SLIT1: variants seen among roughly 807,000 people sequenced by gnomAD.
SLIT1 encodes slit homolog 1 protein.
In SLIT1, 66 loss-of-function variants were observed where a neutral mutation model predicts 186.1. That is an observed-to-expected ratio of 0.35 (90% confidence interval 0.29 to 0.44). SLIT1 has a LOEUF of 0.44. SLIT1 is among the 20% of genes least tolerant of loss of function. SLIT1 has a pLI of 1.00. For missense variants in SLIT1, 1,638 were observed against 2,037.4 expected, an observed-to-expected ratio of 0.80 and a Z score of 3.77; for synonymous variants, 761 against 833.8, an observed-to-expected ratio of 0.91 and a Z score of 1.50.
intron 1 of SLIT1, among the ~76,000 whole-genome samples, chr10:97,182,304 C>T (rs1386634094): frequency 6.6e-6 from 1 of 152,190 alleles, no homozygotes; most frequent in Non-Finnish European, 1.5e-5. Context: ...TGCTGGGCCT[C>T]GCAGGCTGCC....
chr10:97,004,040 A>G lies in SLIT1; in HGVS notation c.3865+28T>C. 1 of 1,583,222 alleles carries G rather than the reference A, an allele frequency of 6.3e-7. No individual in the cohort carries two copies. Among genetic ancestry groups the G allele is most frequent in the Non-Finnish European group, 8.6e-7 (1 of 1,157,336 alleles). On this transcript the variant is annotated intron_variant, in intron 34 of 36. Coordinates refer to ENST00000266058, the MANE Select transcript of SLIT1 (RefSeq NM_003061.3). This position sits in a 1 kb window ranked among gnomAD's most constrained non-coding sequence, Gnocchi z 5.1. ...GGCTGGCCTCAGGCCAGACAGCAAA[A>G]GAGGCCCCGCCAGGGCCAGGTCCTC... is the stretch of plus-strand genomic sequence containing the variant.
Position 97,021,175 on chromosome 10 carries a change from A to G in SLIT1, c.2746+75T>C, listed in dbSNP as rs2134600794. Reference sequence around the variant, plus strand: ...CAGCGGTCACCACAGGGACGCAGGCATGTTAGGAAGGCCCTGCAGTGTTGG... The same window carrying G: ...CAGCGGTCACCACAGGGACGCAGGCGTGTTAGGAAGGCCCTGCAGTGTTGG... On this transcript the variant is annotated intron_variant, in intron 26 of 36. Transcript: ENST00000266058. The surrounding 1 kb of genome is among the most constrained non-coding windows in gnomAD (Gnocchi z 4.5). The G allele has an allele frequency of 2.1e-6, 3 of 1,448,666 alleles. No individual in the cohort carries two copies. The highest frequency in any genetic ancestry group is 2.6e-5 in the South Asian group (2 of 76,088). The allele number at this position is 1,448,666 out of a possible 1,614,324, so 89.7% of individuals were successfully genotyped here.
Position 97,141,760 on chromosome 10 carries a change from T to C in SLIT1, c.413+16058A>G, listed in dbSNP as rs1300494991. 2.5e-4 allele frequency among the ~76,000 whole-genome samples: 37 copies of C among 149,584 alleles called. 1 individual carries two copies. Among genetic ancestry groups the C allele is most frequent in the Middle Eastern group, 3.4e-3 (1 of 292 alleles). ...TTGTATCGTATCGTATCGTATCGTA[T>C]CGTATTGTATCGTACTGTATTGTAT... is the stretch of plus-strand genomic sequence containing the variant. On this transcript the variant is annotated intron_variant, in intron 4 of 36. Transcript: ENST00000266058.
rs767470160 is a variant in SLIT1, at chr10:97,047,725, C to A, written c.1599G>T (p.Lys533Asn). Reference protein sequence around the residue: ...VVECSSLKLTKIPERIPQSTA... With the variant: ...VVECSSLKLTNIPERIPQSTA... Reference sequence around the variant, plus strand: ...TGGACTGGGGGATGCGCTCAGGGATCTTGGTGAGCTTCAGGCTGGAGCACT... The same window carrying A: ...TGGACTGGGGGATGCGCTCAGGGATATTGGTGAGCTTCAGGCTGGAGCACT... The change falls in exon 16 of 37, where the codon AAG becomes AAT. Residue 533 changes from lysine to asparagine, a missense_variant. This residue lies in a region of SLIT1 where 1,245 missense variants were observed against 1,535.3 expected (regional missense o/e 0.81). Coordinates refer to ENST00000266058, the MANE Select transcript of SLIT1 (RefSeq NM_003061.3). 2.5e-6 allele frequency: 4 copies of A among 1,614,038 alleles called. No homozygotes were observed. The highest frequency in any genetic ancestry group is 1.1e-5 in the South Asian group (1 of 91,086).
intron 1 of SLIT1, 120 bp from the exon 2 acceptor site, chr10:97,165,010 G>A (rs1850085159): frequency 2.7e-6 from 2 of 743,560 alleles, no homozygotes; most frequent in Non-Finnish European, 4.8e-6. Flanking sequence ...GCGGGGCTGG[G>A]GGCTTCTGTG....
chr10:97,182,048 GCC>G (rs1564697160), intron 1 of SLIT1, among the ~76,000 whole-genome samples: 1 of 152,218 alleles, frequency 6.6e-6, no homozygotes, highest in Non-Finnish European at 1.5e-5. Flanking sequence ...AGCTTCCCGG[GCC>G]GCCTCCGCCA....
intron 4 of SLIT1, among the ~76,000 whole-genome samples, chr10:97,082,649 T>C (rs1031861975): frequency 6.6e-6 from 1 of 152,132 alleles, no homozygotes; most frequent in Non-Finnish European, 1.5e-5. Context: ...TTAGCCAGGA[T>C]GGCCTCGATC....
At chr10:97,047,638 G>T (rs1234018716) in intron 16 of SLIT1, 52 bp downstream of exon 16, 4 of 1,562,066 alleles carry the variant, frequency 2.6e-6, no homozygotes, top group Non-Finnish European at 3.5e-6. Flanking sequence ...GGCCAAGGAG[G>T]GTTAGTGGCA....
chr10:97,161,416 G>A (rs1850024302), intron 3 of SLIT1, among the ~76,000 whole-genome samples: 1 of 152,206 alleles, frequency 6.6e-6, no homozygotes, highest in Admixed American at 6.5e-5. Flanking sequence ...CTTTCTTCCA[G>A]GCTGTAGGAG....
At chr10:97,084,060 T>C (rs1470809764) in intron 4 of SLIT1, among the ~76,000 whole-genome samples, 2 of 152,052 alleles carry the variant, frequency 1.3e-5, no homozygotes, top group East Asian at 1.9e-4. Context: ...AACCTGAACA[T>C]AGAGGGCAAC....
chr10:97,046,845 G>A (rs762184276), intron 17 of SLIT1, 48 bp from the exon 18 acceptor site: 1 of 1,600,356 alleles, frequency 6.2e-7, no homozygotes, highest in South Asian at 1.1e-5. Flanking sequence ...GCAGCCAGGA[G>A]CTCAGGCCCC....
intron 13 of SLIT1, among the ~76,000 whole-genome samples, chr10:97,056,026 T>C (rs981169071): frequency 1.3e-5 from 2 of 152,194 alleles, no homozygotes; most frequent in Non-Finnish European, 2.9e-5. Context: ...TGAGCTAAGC[T>C]TCATACAAAC....
chr10:97,002,293 G>A lies in SLIT1; in HGVS notation c.4231C>T (p.Leu1411=). Residue 1411 remains leucine, a synonymous_variant, in exon 36 of 37, where the codon CTG becomes TTG. Coordinates refer to ENST00000266058, the MANE Select transcript of SLIT1 (RefSeq NM_003061.3). The part of the protein sequence containing the change: ...CQCQDGYSGA[L]CNQAGALAEP... ...GCCAGGGCCCCGGCCTGGTTGCACA[G>A]TGCCCCCGAGTACCCATCCTGGCAC... 6.2e-7 allele frequency: 1 copy of A among 1,610,802 alleles called. No individual in the cohort carries two copies.
chr10:97,129,177 G>T (rs1442926289), intron 4 of SLIT1, among the ~76,000 whole-genome samples: 1 of 152,050 alleles, frequency 6.6e-6, no homozygotes, highest in Non-Finnish European at 1.5e-5. Flanking sequence ...CTAGGTGGGC[G>T]GATCACGTGA....
At position 97,021,184 on chromosome 10, in the gene SLIT1, A is replaced by T; in HGVS notation, c.2746+66T>A. 1 of 1,491,816 alleles carries T rather than the reference A, an allele frequency of 6.7e-7. No individual in the cohort carries two copies. The allele number at this position is 1,491,816 out of a possible 1,614,324, so 92.4% of individuals were successfully genotyped here. A position where few individuals can be genotyped will look rare whatever the true frequency, so the allele number is the denominator to read the frequency against. On this transcript the variant is annotated intron_variant, in intron 26 of 36. Transcript: ENST00000266058. The surrounding 1 kb of genome is among the most constrained non-coding windows in gnomAD (Gnocchi z 4.5). ...CCACAGGGACGCAGGCATGTTAGGA[A>T]GGCCCTGCAGTGTTGGGCAAGTTCT... is the stretch of plus-strand genomic sequence containing the variant.
chr10:97,031,116 G>T (rs954143919), intron 24 of SLIT1, among the ~76,000 whole-genome samples: 3 of 152,190 alleles, frequency 2.0e-5, no homozygotes, highest in Admixed American at 6.5e-5. Context: ...AGGACCCTAA[G>T]GGGGGAGGCG....
At chr10:97,032,850 C>A (rs1194913801) in intron 23 of SLIT1, among the ~76,000 whole-genome samples, 1 of 152,166 alleles carries the variant, frequency 6.6e-6, no homozygotes, top group African/African-American at 2.4e-5. Context: ...ACATGCAACA[C>A]CACACCATGG....
chr10:97,160,153 A>G (rs1033516644), intron 3 of SLIT1, among the ~76,000 whole-genome samples: 3 of 152,142 alleles, frequency 2.0e-5, no homozygotes, highest in African/African-American at 7.2e-5. Flanking sequence ...TGAGGCCACA[A>G]TGTCCTGATC....
At chr10:97,020,460 G>C (rs568730429) in intron 26 of SLIT1, among the ~76,000 whole-genome samples, 1 of 152,366 alleles carries the variant, frequency 6.6e-6, no homozygotes, top group South Asian at 2.1e-4. Context: ...ACAGAGCAAA[G>C]GTTTCAGCAT....
Sources: gnomAD v4.1 joint callset for allele counts (sites outside exome capture counted in the v4.1 genomes callset) on GRCh38, gnomAD v4.1.1 for gene constraint, gnomAD v4.1.1 regional missense constraint, Gnocchi (gnomAD v3.1) non-coding constraint, MANE v1.5 for transcripts, NCBI Gene and HGNC (gene_info 2026-07-23, HGNC 2026-07-21) for gene names.